Variants in SDHC observed in about 807,000 individuals in gnomAD.
SDHC encodes the protein succinate dehydrogenase complex subunit C.
Under a neutral mutation model 22.6 loss-of-function variants are expected in SDHC, and 11 were observed. The observed-to-expected ratio is 0.49, with a 90% CI of 0.31 to 0.81. The LOEUF (loss-of-function observed/expected upper bound fraction) is 0.81, where lower values mean the gene tolerates loss of function less well. Among genes scored for constraint, SDHC ranks in the 30% least tolerant of loss-of-function variants. The pLI is 0.05. For synonymous variants in SDHC, 80 were observed against 77.8 expected, an observed-to-expected ratio of 1.03 and a Z score of -0.15; for missense variants, 160 against 212.0, an observed-to-expected ratio of 0.75 and a Z score of 1.52.
chr1:161,319,153 G>A, intron 1 of SDHC, among the ~76,000 whole-genome samples: 1 of 152,118 alleles, frequency 6.6e-6, no homozygotes, highest in East Asian at 1.9e-4. Context: ...CTCGGGAAGT[G>A]GAGGTTGCTG....
At chr1:161,317,565 T>G (rs1298575104) in intron 1 of SDHC, among the ~76,000 whole-genome samples, 5 of 132,034 alleles carry the variant, frequency 3.8e-5, no homozygotes, top group Non-Finnish European at 8.1e-5. Context: ...TTTTTTTTTT[T>G]TTTTTTTTTT....
At chr1:161,319,434 T>G (rs138588522) in intron 1 of SDHC, among the ~76,000 whole-genome samples, 11 of 139,014 alleles carry the variant, frequency 7.9e-5, no homozygotes, top group South Asian at 4.5e-4. Flanking sequence ...GAATTGGTTG[T>G]TTTTTTTTTT....
Position 161,328,420 on chromosome 1 carries a change from C to G in SDHC, c.102C>G (p.Ala34=). 1.2e-6 allele frequency: 2 copies of G among 1,613,548 alleles called. No individual in the cohort carries two copies. The highest frequency in any genetic ancestry group is 1.7e-6 in the Non-Finnish European group (2 of 1,179,570). Residue 34 remains alanine (A), a synonymous_variant, in exon 3 of 6, where the codon GCC becomes GCG. Transcript: ENST00000367975. ...IRNAVPLGTT[A]KEEMERFWNK... ...GTGCTGTTCCTTTGGGAACCACGGC[C>G]AAAGAAGAGATGGAGCGGTTCTGGA... is the stretch of plus-strand genomic sequence containing the variant.
chr1:161,315,064 A>G (rs888065348), intron 1 of SDHC, among the ~76,000 whole-genome samples: 2 of 152,218 alleles, frequency 1.3e-5, no homozygotes, highest in African/African-American at 4.8e-5. Context: ...AATGTGAATT[A>G]GTTGTCCAGA....
intron 3 of SDHC, among the ~76,000 whole-genome samples, chr1:161,331,481 C>T (rs2102314683): frequency 6.6e-6 from 1 of 152,160 alleles, no homozygotes; most frequent in African/African-American, 2.4e-5. Flanking sequence ...TCTATAAAAC[C>T]ATGTTGCCCA....
At chr1:161,333,330 A>T (rs893275557) in intron 3 of SDHC, among the ~76,000 whole-genome samples, 1 of 151,686 alleles carries the variant, frequency 6.6e-6, no homozygotes, top group African/African-American at 2.4e-5. Flanking sequence ...TTGTGTGCAC[A>T]TATGTTTCAT....
intron 5 of SDHC, among the ~76,000 whole-genome samples, chr1:161,359,397 T>C (rs776833024): frequency 6.6e-6 from 1 of 152,210 alleles, no homozygotes; most frequent in Non-Finnish European, 1.5e-5. Context: ...AGTGTTCAGT[T>C]TGATTTAAAA....
rs368411074 is a variant in SDHC, at chr1:161,323,702, A to ATTT, written c.77+41_77+43dup. Reference sequence around the variant, plus strand: ...TTCTAAGTCTGGAGATTATTTATTTATTTTTTTTTTTGAGACGGAGTCTCG... The same window carrying ATTT: ...TTCTAAGTCTGGAGATTATTTATTTATTTTTTTTTTTTTTGAGACGGAGTCTCG... On this transcript the variant is annotated intron_variant, in intron 2 of 5. Coordinates refer to ENST00000367975, the MANE Select transcript of SDHC (RefSeq NM_003001.5). 2.0e-5 allele frequency: 26 copies of ATTT among 1,309,260 alleles called. No homozygotes were observed. The African/African-American group carries it at 3.7e-4, about 19-fold the overall frequency. 81.1% of individuals were successfully genotyped at this position (1,309,260 alleles called of 1,614,324 possible).
chr1:161,332,530 T>G (rs1399217942), intron 3 of SDHC, among the ~76,000 whole-genome samples: 1 of 152,226 alleles, frequency 6.6e-6, no homozygotes, highest in Non-Finnish European at 1.5e-5. Flanking sequence ...AAATACAATT[T>G]GTATACCATA....
At chr1:161,360,652 G>A (rs1026521839) in intron 5 of SDHC, among the ~76,000 whole-genome samples, 13 of 148,982 alleles carry the variant, frequency 8.7e-5, no homozygotes, top group African/African-American at 2.5e-4. Context: ...AGGCTGAGGC[G>A]GGAGGATTGC....
intron 3 of SDHC, among the ~76,000 whole-genome samples, chr1:161,338,577 G>A (rs549298702): frequency 6.6e-6 from 1 of 152,304 alleles, no homozygotes; most frequent in South Asian, 2.1e-4. Context: ...AATTTAAAAA[G>A]GGGTTTGATG....
rs1400203698 is a variant in SDHC, at chr1:161,340,618, C to T, written c.204C>T (p.Ser68=). ...IYSWSLPMAM[S]ICHRGTGIAL... is the part of the protein sequence containing the mutation. ...GTTGGTCTCTTCCCATGGCGATGTC[C>T]ATCTGCCACCGTGGCACTGGTATTG... is the stretch of plus-strand genomic sequence containing the variant. Residue 68 remains serine (S), a synonymous_variant, in exon 4 of 6, where the codon TCC becomes TCT. Coordinates refer to ENST00000367975, the MANE Select transcript of SDHC (RefSeq NM_003001.5). The T allele has an allele frequency of 1.2e-6, 2 of 1,613,864 alleles. No homozygotes were observed. The highest frequency in any genetic ancestry group is 8.5e-7 in the Non-Finnish European group (1 of 1,179,808).
intron 4 of SDHC, among the ~76,000 whole-genome samples, chr1:161,341,919 T>G (rs1353721167): frequency 6.6e-6 from 1 of 152,208 alleles, no homozygotes; most frequent in Non-Finnish European, 1.5e-5. Context: ...TAGAATGCAG[T>G]AGATAATTTA....
chr1:161,323,818 C>G (rs1452266967), intron 2 of SDHC, 148 bp downstream of exon 2: 1 of 556,622 alleles, frequency 1.8e-6, no homozygotes, highest in Non-Finnish European at 3.1e-6. Context: ...GCCTCAGCCT[C>G]CTGAGTAGCT....
At chr1:161,349,616 A>G (rs749638518) in intron 4 of SDHC, among the ~76,000 whole-genome samples, 2 of 152,262 alleles carry the variant, frequency 1.3e-5, no homozygotes, top group Non-Finnish European at 2.9e-5. Flanking sequence ...TTACAGATTC[A>G]TAAAGTAACT....
chr1:161,323,703 T>TTTA, intron 2 of SDHC, 33 bp downstream of exon 2: 1 of 1,000,374 alleles, frequency 1.0e-6, no homozygotes, highest in Non-Finnish European at 1.4e-6. Context: ...TATTTATTTA[T>TTTA]TTTTTTTTTT....
chr1:161,317,485 T>G (rs1365352754), intron 1 of SDHC, among the ~76,000 whole-genome samples: 1 of 151,440 alleles, frequency 6.6e-6, no homozygotes, highest in Non-Finnish European at 1.5e-5. Context: ...GGGGAACACT[T>G]GAAATCTATT....
intron 1 of SDHC, 27 bp downstream of exon 1, chr1:161,314,452 T>C (rs751950733): frequency 6.2e-7 from 1 of 1,613,616 alleles, no homozygotes; most frequent in Admixed American, 1.7e-5. Flanking sequence ...TGGGAGTTGG[T>C]GCCTGCGGCC....
At chr1:161,324,361 C>T (rs1356878828) in intron 2 of SDHC, among the ~76,000 whole-genome samples, 1 of 152,286 alleles carries the variant, frequency 6.6e-6, no homozygotes, top group East Asian at 1.9e-4. Flanking sequence ...CCCCCTGCCT[C>T]GGCTGGGATT....
Sources: gnomAD v4.1 joint callset for allele counts (sites outside exome capture counted in the v4.1 genomes callset) on GRCh38, gnomAD v4.1.1 for gene constraint, MANE v1.5 for transcripts, NCBI Gene and HGNC (gene_info 2026-07-23, HGNC 2026-07-21) for gene names.